PLCB1: variants seen among roughly 807,000 people sequenced by gnomAD.
PLCB1 encodes the protein 1-phosphatidylinositol 4,5-bisphosphate phosphodiesterase beta-1.
PLCB1 carries 46 observed loss-of-function variants against 161.8 expected under a neutral mutation model. The ratio of observed to expected loss-of-function variants is 0.28; its 90% CI spans 0.22 to 0.36. The LOEUF (loss-of-function observed/expected upper bound fraction) is 0.36, where lower values mean the gene tolerates loss of function less well. Ranked by LOEUF, PLCB1 falls within the 10% of genes least tolerant of loss-of-function variation. The pLI, the probability that PLCB1 is intolerant of heterozygous loss-of-function variation, is 1.00. For missense variants in PLCB1, 1,016 were observed against 1,472.5 expected (o/e 0.69, Z 5.07); for synonymous variants, 517 against 503.7 (o/e 1.03, Z -0.35).
chr20:8,764,920 G>A (rs1460539753), intron 25 of PLCB1, among the ~76,000 whole-genome samples: 4 of 152,126 alleles, frequency 2.6e-5, no homozygotes, highest in Non-Finnish European at 4.4e-5. Context: ...ATATGTATTC[G>A]AATGAAGCAA....
At chr20:8,172,526 C>T (rs193227653) in intron 2 of PLCB1, among the ~76,000 whole-genome samples, 5 of 152,284 alleles carry the variant, frequency 3.3e-5, no homozygotes, top group African/African-American at 9.6e-5. Flanking sequence ...TTGCTGAAGA[C>T]AAGGGCGAAT....
At chr20:8,586,653 A>G (rs1987001059) in intron 3 of PLCB1, among the ~76,000 whole-genome samples, 2 of 152,240 alleles carry the variant, frequency 1.3e-5, no homozygotes, top group Admixed American at 1.3e-4. Context: ...ACAAATAGGA[A>G]AAAAATCTTG....
At chr20:8,304,451 G>A (rs1984039139) in intron 2 of PLCB1, among the ~76,000 whole-genome samples, 1 of 151,740 alleles carries the variant, frequency 6.6e-6, no homozygotes, top group South Asian at 2.1e-4. Context: ...GAGCAAAAAC[G>A]AATCCCCTGT....
At chr20:8,814,444 C>G (rs1217280125) in intron 31 of PLCB1, among the ~76,000 whole-genome samples, 1 of 152,112 alleles carries the variant, frequency 6.6e-6, no homozygotes, top group African/African-American at 2.4e-5. Flanking sequence ...ATAGTTCTTT[C>G]CTTTTAACAT....
rs1423747571 is a variant in PLCB1 at position 8,427,118 on chromosome 20, A to G, written c.246+55668A>G. ...TAGAGATGGGGTTTCACCATGTTGG[A>G]CGGGCTGGTCTCGAACTGCTGACCT... On this transcript the variant is annotated intron_variant, in intron 3 of 31. Transcript: ENST00000338037. Among the ~76,000 whole-genome samples the G allele has an allele frequency of 4.6e-5, 7 of 152,008 alleles. No homozygotes were observed. The South Asian group carries it at 8.3e-4, about 18-fold the overall frequency.
intron 3 of PLCB1, among the ~76,000 whole-genome samples, chr20:8,507,615 A>T (rs1983690878): frequency 1.3e-5 from 2 of 152,200 alleles, no homozygotes; most frequent in Admixed American, 6.5e-5. Flanking sequence ...TTTAATGGAC[A>T]TCAGAGAAAT....
chr20:8,570,224 G>A (rs752313504), intron 3 of PLCB1, among the ~76,000 whole-genome samples: 1 of 152,036 alleles, frequency 6.6e-6, no homozygotes, highest in African/African-American at 2.4e-5. Flanking sequence ...CAAGCCTGTC[G>A]GTGAACCCAA....
chr20:8,244,812 A>G (rs547869061), intron 2 of PLCB1, among the ~76,000 whole-genome samples: 2 of 152,028 alleles, frequency 1.3e-5, no homozygotes, highest in East Asian at 3.9e-4. Flanking sequence ...AGAGAGGCTA[A>G]GTCTAGTACA....
At chr20:8,642,230 C>A (rs1988979802) in intron 4 of PLCB1, among the ~76,000 whole-genome samples, 2 of 151,994 alleles carry the variant, frequency 1.3e-5, no homozygotes, top group Non-Finnish European at 2.9e-5. Flanking sequence ...GATATAAGAT[C>A]CACAGAGAAA....
At chr20:8,355,482 A>G (rs1361318874) in intron 2 of PLCB1, among the ~76,000 whole-genome samples, 1 of 152,192 alleles carries the variant, frequency 6.6e-6, no homozygotes, top group Admixed American at 6.5e-5. Context: ...AAAAGGACAC[A>G]GGAGAAAGAA....
At chr20:8,776,399 G>A (rs576417082) in intron 27 of PLCB1, among the ~76,000 whole-genome samples, 3 of 144,518 alleles carry the variant, frequency 2.1e-5, no homozygotes, top group Non-Finnish European at 4.6e-5. Context: ...GCTAATTCAG[G>A]TTTCAAGCCA....
intron 3 of PLCB1, among the ~76,000 whole-genome samples, chr20:8,450,294 A>T (rs1408974879): frequency 6.6e-6 from 1 of 152,136 alleles, no homozygotes; most frequent in African/African-American, 2.4e-5. Context: ...TCAATACCTG[A>T]TATTTAATTT....
intron 2 of PLCB1, among the ~76,000 whole-genome samples, chr20:8,262,512 CAT>C (rs1189077581): frequency 1.3e-5 from 2 of 152,126 alleles, no homozygotes; most frequent in African/African-American, 4.8e-5. Flanking sequence ...AACAGGGAGA[CAT>C]AGTTTAGAGC....
At chr20:8,566,410 A>G (rs1157538103) in intron 3 of PLCB1, among the ~76,000 whole-genome samples, 4 of 152,156 alleles carry the variant, frequency 2.6e-5, no homozygotes, top group Non-Finnish European at 4.4e-5. Context: ...AGCACCTTCA[A>G]AGTCGAACAG....
At chr20:8,307,473 A>G (rs901483604) in intron 2 of PLCB1, among the ~76,000 whole-genome samples, 2 of 152,134 alleles carry the variant, frequency 1.3e-5, no homozygotes, top group African/African-American at 4.8e-5. Context: ...TAGCATTTAG[A>G]CAGTATTTTA....
chr20:8,732,860 A>G (rs1255124954), intron 18 of PLCB1, among the ~76,000 whole-genome samples: 2 of 141,988 alleles, frequency 1.4e-5, no homozygotes, highest in Non-Finnish European at 3.0e-5. Context: ...TATATTATAT[A>G]TTAGATATAT....
intron 2 of PLCB1, among the ~76,000 whole-genome samples, chr20:8,316,313 C>T (rs568210494): frequency 1.1e-4 from 16 of 152,236 alleles, no homozygotes; most frequent in South Asian, 8.3e-4. Context: ...CCCTCAAAAT[C>T]AGTGAATGAG....
chr20:8,577,071 C>T (rs1056368198), intron 3 of PLCB1, among the ~76,000 whole-genome samples: 1 of 151,948 alleles, frequency 6.6e-6, no homozygotes, highest in Non-Finnish European at 1.5e-5. Context: ...CGACAAGTTG[C>T]ATTAATAAAA....
intron 31 of PLCB1, among the ~76,000 whole-genome samples, chr20:8,794,349 AT>A (rs1236766367): frequency 6.6e-6 from 1 of 152,242 alleles, no homozygotes; most frequent in East Asian, 1.9e-4. Flanking sequence ...GGCGTAAGAA[AT>A]TATAAAAGTA....
Sources: allele counts gnomAD v4.1 joint callset (sites outside exome capture counted in the v4.1 genomes callset), GRCh38; gene constraint gnomAD v4.1.1; transcripts MANE v1.5; gene names NCBI Gene and HGNC (gene_info 2026-07-23, HGNC 2026-07-21).